COPB2: variants seen among roughly 807,000 people sequenced by gnomAD.
COPB2 encodes coatomer subunit beta'.
COPB2 carries 16 observed loss-of-function variants against 120.8 expected under a neutral mutation model. That is an observed-to-expected ratio of 0.13 (90% CI 0.09 to 0.20). The LOEUF is 0.20. Among genes scored for constraint, COPB2 ranks in the 10% least tolerant of loss-of-function variants. The pLI, the probability that COPB2 is intolerant of heterozygous loss-of-function variation, is 1.00. For synonymous variants in COPB2, 332 were observed against 366.3 expected, an observed-to-expected ratio of 0.91 and a Z score of 1.07; for missense variants, 794 against 1,076.5, an observed-to-expected ratio of 0.74 and a Z score of 3.67.
At chr3:139,365,010 C>G (rs1020658093) in intron 15 of COPB2, among the ~76,000 whole-genome samples, 7 of 152,212 alleles carry the variant, frequency 4.6e-5, no homozygotes, top group African/African-American at 1.7e-4. Flanking sequence ...AAACTTTTAT[C>G]TATAAACAAT....
chr3:139,362,949 G>A (rs905338850), intron 15 of COPB2, among the ~76,000 whole-genome samples: 4 of 152,208 alleles, frequency 2.6e-5, no homozygotes, highest in Non-Finnish European at 5.9e-5. Flanking sequence ...CTGGGAAGTA[G>A]AGATCATCTA....
At chr3:139,368,409 A>C in intron 12 of COPB2, 121 bp from the exon 13 acceptor site, 1 of 1,048,942 alleles carries the variant, frequency 9.5e-7, no homozygotes, top group Non-Finnish European at 1.3e-6. Context: ...TATTCACTTA[A>C]CAATTTTATG....
At chr3:139,371,913 G>T in intron 9 of COPB2, 80 bp from the exon 10 acceptor site, 4 of 956,410 alleles carry the variant, frequency 4.2e-6, no homozygotes, top group Non-Finnish European at 6.4e-6. Flanking sequence ...TTCATGTTAT[G>T]GTAAAAGAAT....
At chr3:139,372,451 A>C (rs1363995714) in intron 9 of COPB2, among the ~76,000 whole-genome samples, 2 of 152,238 alleles carry the variant, frequency 1.3e-5, no homozygotes, top group African/African-American at 2.4e-5. Context: ...GTATCAAAAG[A>C]CTGCCAAAGG....
chr3:139,361,354 A>G lies in COPB2; in HGVS notation c.1996-59T>C, dbSNP rs563198810. ...TTAGAAATAAGCATTTACATTTCCA[A>G]CATTATTCTGTTAACTGTGCAGACA... On this transcript the variant is annotated intron_variant, in intron 16 of 21. Coordinates refer to ENST00000333188, the MANE Select transcript of COPB2 (RefSeq NM_004766.3). 4.8e-5 allele frequency: 72 copies of G among 1,512,828 alleles called. No homozygotes were observed. The East Asian group carries it at 1.6e-3, about 34-fold the overall frequency. 93.7% of individuals were successfully genotyped at this position (1,512,828 alleles called of 1,614,324 possible). A position where few individuals can be genotyped will look rare whatever the true frequency, so the allele number is the denominator to read the frequency against.
chr3:139,367,336 T>C (rs1941536860), intron 13 of COPB2, among the ~76,000 whole-genome samples, 191 bp from the exon 14 acceptor site: 2 of 151,654 alleles, frequency 1.3e-5, no homozygotes, highest in Non-Finnish European at 1.5e-5. Context: ...GCCCAGGCTG[T>C]AGTACAGTGG....
chr3:139,359,371 T>A lies in COPB2; in HGVS notation c.2211-9A>T, dbSNP rs1322740608. On this transcript the variant is annotated splice_polypyrimidine_tract_variant and intron_variant, in intron 17 of 21. Transcript: ENST00000333188. Reference sequence around the variant, plus strand: ...CTAGGCAGGCATCAACCCTAAACATTAAAAAGGAGAGGTACTGTTACCAAG... The same window carrying A: ...CTAGGCAGGCATCAACCCTAAACATAAAAAAGGAGAGGTACTGTTACCAAG... The A allele has an allele frequency of 6.2e-7, 1 of 1,609,804 alleles. No homozygotes were observed. Among genetic ancestry groups the A allele is most frequent in the Non-Finnish European group, 8.5e-7 (1 of 1,177,290 alleles).
intron 21 of COPB2, 69 bp downstream of exon 21, chr3:139,358,131 C>G: frequency 7.2e-7 from 1 of 1,387,386 alleles, no homozygotes; most frequent in African/African-American, 1.4e-5. Context: ...CAGAGGCCTA[C>G]GTATCCTCCA....
At chr3:139,377,950 T>C (rs1941745265) in intron 5 of COPB2, 91 bp downstream of exon 5, 2 of 1,229,492 alleles carry the variant, frequency 1.6e-6, no homozygotes, top group East Asian at 5.4e-5. Flanking sequence ...ATTTTTAAGA[T>C]GGGTACATTT....
intron 1 of COPB2, among the ~76,000 whole-genome samples, chr3:139,387,061 A>AAG (rs1275782807): frequency 6.6e-6 from 1 of 150,774 alleles, no homozygotes; most frequent in Non-Finnish European, 1.5e-5. Context: ...AAAAAAAAAA[A>AAG]TTAGTTGGAC....
In COPB2 at chr3:139,373,804, T is replaced by C. The variant is rs1482696390; in HGVS notation, c.756A>G (p.Thr252=). The part of the protein sequence containing the change: ...PIIITGSEDG[T]VRIWHSSTYR... ...AGGTGCTTGAATGCCAAATACGTAC[T>C]GTTCCTAAAAAGAACAATGTAAATA... The change falls in exon 8 of 22, where the codon ACA becomes ACG. Residue 252 remains threonine, a synonymous_variant. Coordinates refer to ENST00000333188, the MANE Select transcript of COPB2 (RefSeq NM_004766.3). 1 of 1,614,006 alleles carries C rather than the reference T, an allele frequency of 6.2e-7. No homozygotes were observed. Among genetic ancestry groups the C allele is most frequent in the Non-Finnish European group, 8.5e-7 (1 of 1,179,952 alleles).
intron 2 of COPB2, chr3:139,381,640 T>C (rs1017504190): frequency 3.3e-5 from 5 of 152,050 alleles, no homozygotes; most frequent in African/African-American, 4.8e-5. Context: ...GGTCCTGTCA[T>C]AGGGCAGAAA....
chr3:139,389,367 G>T, intron 1 of COPB2, 181 bp downstream of exon 1: 2 of 1,004,472 alleles, frequency 2.0e-6, no homozygotes, highest in Admixed American at 4.3e-5. Flanking sequence ...AATCACCCCG[G>T]TCCCCTAGGC....
At chr3:139,361,358 T>G (rs986695408) in intron 16 of COPB2, 63 bp from the exon 17 acceptor site, 1 of 1,494,634 alleles carries the variant, frequency 6.7e-7, no homozygotes, top group South Asian at 1.2e-5. Context: ...TTTCCAACAT[T>G]ATTCTGTTAA....
intron 2 of COPB2, chr3:139,381,550 C>G (rs1025951814): frequency 4.6e-5 from 7 of 152,118 alleles, no homozygotes; most frequent in African/African-American, 1.7e-4. Flanking sequence ...CTTGTCCTCA[C>G]AGAACCTCCA....
chr3:139,379,106 G>A lies in COPB2; in HGVS notation c.296C>T (p.Ser99Leu). The stretch of plus-strand genomic sequence containing the variant: ...AACAGCAATACAGCGAATGTAGTCT[G>A]AGTGTGCTTCAAACATATGAACTCT... Reference protein sequence around the residue: ...LERVHMFEAHSDYIRCIAVHP... With the variant: ...LERVHMFEAHLDYIRCIAVHP... Residue 99 changes from serine to leucine, a missense_variant, in exon 4 of 22, where the codon TCA becomes TTA. Ser to Leu is a moderately radical substitution (Grantham distance 145). Around this residue, in one of 3 missense-constraint regions of COPB2, gnomAD observed 610 missense variants for 866.7 expected, o/e 0.70. Transcript: ENST00000333188. 4 of 1,613,002 alleles carry A rather than the reference G, an allele frequency of 2.5e-6. No homozygotes were observed. Among genetic ancestry groups the A allele is most frequent in the Non-Finnish European group, 3.4e-6 (4 of 1,179,674 alleles).
At chr3:139,368,101 T>C in intron 13 of COPB2, 44 bp downstream of exon 13, 2 of 1,587,490 alleles carry the variant, frequency 1.3e-6, no homozygotes, top group South Asian at 1.2e-5. Context: ...ATATAAATCA[T>C]TTAAAAACAA....
chr3:139,358,728 G>T lies in COPB2; in HGVS notation c.2553+16C>A. 1 of 1,564,534 alleles carries T rather than the reference G, an allele frequency of 6.4e-7. No homozygotes were observed. Among genetic ancestry groups the T allele is most frequent in the Non-Finnish European group, 8.8e-7 (1 of 1,136,516 alleles). ...ACCATCTCAGCCAAATTTATCACAT[G>T]AAGTGCTCTACTGACCTGTTGAGCT... On this transcript the variant is annotated intron_variant, in intron 20 of 21. Transcript: ENST00000333188.
At chr3:139,385,389 C>T (rs1208391950) in intron 1 of COPB2, 1 of 152,162 alleles carries the variant, frequency 6.6e-6, no homozygotes, top group East Asian at 1.9e-4. Context: ...TCAATAGTGT[C>T]ATATCAGGAA....
Sources: allele counts gnomAD v4.1 joint callset (sites outside exome capture counted in the v4.1 genomes callset), GRCh38; gene constraint gnomAD v4.1.1; regional missense constraint gnomAD v4.1.1; transcripts MANE v1.5; gene names NCBI Gene and HGNC (gene_info 2026-07-23, HGNC 2026-07-21).